SLC12A3: variants seen among roughly 807,000 people sequenced by gnomAD.
SLC12A3 encodes the protein Na-Cl cotransporter.
A neutral mutation model predicts 121.0 loss-of-function variants in SLC12A3; 104 were observed. The observed-to-expected ratio is 0.86, with a 90% CI of 0.73 to 1.01. The LOEUF is 1.01. Among genes scored for constraint, SLC12A3 ranks in the 50% least tolerant of loss-of-function variants. SLC12A3 has a pLI of 0.00. For missense variants in SLC12A3, 1,328 were observed against 1,356.3 expected (o/e 0.98, Z 0.33); for synonymous variants, 536 against 533.4 (o/e 1.00, Z -0.07).
chr16:56,905,232 G>A (rs3794654), intron 25 of SLC12A3, among the ~76,000 whole-genome samples: 50,708 of 151,038 alleles, frequency 0.34, 9,693 homozygotes, highest in African/African-American at 0.53. Context: ...CCAGCTACTC[G>A]GGAGGCTGAG....
At chr16:56,884,311 T>A (rs2055282384) in intron 14 of SLC12A3, 107 bp downstream of exon 14, 1 of 1,176,972 alleles carries the variant, frequency 8.5e-7, no homozygotes, top group East Asian at 2.4e-5. Flanking sequence ...CTCTGTGCTG[T>A]CCAGGGCCCC....
rs2055729446 is a variant in SLC12A3 at position 56,914,547 on chromosome 16, C to T, written c.*1142C>T. The stretch of plus-strand genomic sequence containing the variant: ...AGGCATGGCCACCTTTCTGTTGTGC[C>T]TTGCATTTGTCCACACACAGGGAGT... On this transcript the variant is annotated 3_prime_UTR_variant, in exon 26 of 26. Coordinates refer to ENST00000563236, the MANE Select transcript of SLC12A3 (RefSeq NM_001126108.2). 1 of 152,214 alleles carries T rather than the reference C, an allele frequency of 6.6e-6. No individual in the cohort carries two copies. Among genetic ancestry groups the T allele is most frequent in the Non-Finnish European group, 1.5e-5 (1 of 68,052 alleles). The allele number at this position is 152,214 out of a possible 1,614,324, so 9.4% of individuals were successfully genotyped here.
intron 23 of SLC12A3, 47 bp from the exon 24 acceptor site, chr16:56,902,326 A>C: frequency 1.9e-6 from 3 of 1,612,800 alleles, no homozygotes; most frequent in Non-Finnish European, 2.5e-6. Flanking sequence ...ACCCCTAGAA[A>C]TGGGGTTATC....
chr16:56,873,606 T>C (rs1169521611), intron 8 of SLC12A3, among the ~76,000 whole-genome samples: 4 of 151,734 alleles, frequency 2.6e-5, no homozygotes, highest in Non-Finnish European at 5.9e-5. Flanking sequence ...CAGGCTGGTC[T>C]CAAACTCCTG....
rs780633090 is a variant in SLC12A3, at chr16:56,884,243, C to A, written c.1825+39C>A. 7 of 1,611,340 alleles carry A rather than the reference C, an allele frequency of 4.3e-6. No homozygotes were observed. The African/African-American group carries it at 8.0e-5, about 18-fold the overall frequency. ...CTGCGGGGCCTCGGCCCTCCTCCCCCAGGGTAGCCATGCAGGCGGCCCTGC... is the reference window on the plus strand; with the variant it reads ...CTGCGGGGCCTCGGCCCTCCTCCCCAAGGGTAGCCATGCAGGCGGCCCTGC... On this transcript the variant is annotated intron_variant, in intron 14 of 25. Transcript: ENST00000563236.
Position 56,884,029 on chromosome 16 carries a change from G to T in SLC12A3, c.1670-20G>T, listed in dbSNP as rs760670430. The T allele has an allele frequency of 1.9e-6, 3 of 1,614,026 alleles. No homozygotes were observed. Among genetic ancestry groups the T allele is most frequent in the Non-Finnish European group, 2.5e-6 (3 of 1,179,946 alleles). On this transcript the variant is annotated intron_variant, in intron 13 of 25. Transcript: ENST00000563236. ...GGCTCGACTGCCAGGCATGCCCACT[G>T]ACTGGTGCCCTTGGCCCAGGGTGGA...
chr16:56,870,607 G>A lies in SLC12A3; in HGVS notation c.742-19G>A, dbSNP rs1430029339. The A allele has an allele frequency of 6.6e-7, 1 of 1,510,030 alleles. No individual in the cohort carries two copies. Among genetic ancestry groups the A allele is most frequent in the Non-Finnish European group, 9.2e-7 (1 of 1,085,270 alleles). 93.5% of individuals were successfully genotyped at this position (1,510,030 alleles called of 1,614,324 possible). A position where few individuals can be genotyped will look rare whatever the true frequency, so the allele number is the denominator to read the frequency against. The stretch of plus-strand genomic sequence containing the variant: ...AATTCAGAGGGTGGCTTGCAGCCTG[G>A]CCCATTTTCCCTCCCCAGGAGTATG... On this transcript the variant is annotated intron_variant, in intron 5 of 25. Transcript: ENST00000563236.
Position 56,872,797 on chromosome 16 carries a change from T to C in SLC12A3, c.1095+11T>C. 1 of 1,614,146 alleles carries C rather than the reference T, an allele frequency of 6.2e-7. No individual in the cohort carries two copies. The highest frequency in any genetic ancestry group is 8.5e-7 in the Non-Finnish European group (1 of 1,180,038). Reference sequence around the variant, plus strand: ...TCTGGTGACCTCAAGGTGAGCAGAATACTTGCCCCTCCTGTGTCCTGGCAC... The same window carrying C: ...TCTGGTGACCTCAAGGTGAGCAGAACACTTGCCCCTCCTGTGTCCTGGCAC... On this transcript the variant is annotated intron_variant, in intron 8 of 25. Transcript: ENST00000563236.
At chr16:56,893,971 T>TTTTATTTATTTATTTA (rs56844793) in intron 21 of SLC12A3, among the ~76,000 whole-genome samples, 12 of 116,918 alleles carry the variant, frequency 1.0e-4, no homozygotes, top group East Asian at 5.4e-4. Context: ...TTTATTTTTA[T>TTTTATTTATTTATTTA]TTTATTTATT....
At chr16:56,872,601 C>A (rs2089474674) in intron 7 of SLC12A3, 55 bp from the exon 8 acceptor site, 1 of 1,613,510 alleles carries the variant, frequency 6.2e-7, no homozygotes, top group African/African-American at 1.3e-5. Context: ...TGGGTCCCAG[C>A]AAGGGGGGTC....
intron 23 of SLC12A3, 95 bp from the exon 24 acceptor site, chr16:56,902,278 G>A: frequency 6.7e-7 from 1 of 1,498,702 alleles, no homozygotes; most frequent in Non-Finnish European, 9.3e-7. Flanking sequence ...GAAAATGGGA[G>A]CTGTGGCAAC....
rs367836842 is a variant in SLC12A3 at position 56,896,284 on chromosome 16, G to A, written c.2633+1642G>A. Among the ~76,000 whole-genome samples the A allele has an allele frequency of 1.1e-3, 167 of 152,320 alleles. No individual in the cohort carries two copies. In the South Asian group the frequency reaches 0.032, roughly 29 times the overall value. On this transcript the variant is annotated intron_variant, in intron 22 of 25. Coordinates refer to ENST00000563236, the MANE Select transcript of SLC12A3 (RefSeq NM_001126108.2). ...GAAAGTCCTGGTTTAGCCTTGGCCC[G>A]TCCTTCCCTTTGGTAACCTGTGCTT...
rs967687999 is a variant in SLC12A3, at chr16:56,872,388, T to C, written c.890T>C (p.Phe297Ser). Reference protein sequence around the residue: ...VLFFLVIMVSFANYLVGTLIP... With the variant: ...VLFFLVIMVSSANYLVGTLIP... ...TTCTTCCTTGTCATCATGGTCTCCT[T>C]TGCCAACTATTTAGTGGGGACGCTG... The change falls in exon 7 of 26, where the codon TTT becomes TCT. Residue 297 changes from phenylalanine to serine, a missense_variant. Coordinates refer to ENST00000563236, the MANE Select transcript of SLC12A3 (RefSeq NM_001126108.2). The C allele has an allele frequency of 5.6e-6, 9 of 1,614,040 alleles. No individual in the cohort carries two copies. Among genetic ancestry groups the C allele is most frequent in the Non-Finnish European group, 7.6e-6 (9 of 1,179,954 alleles).
chr16:56,893,479 G>C (rs1231335145), intron 21 of SLC12A3, among the ~76,000 whole-genome samples: 1 of 152,194 alleles, frequency 6.6e-6, no homozygotes, highest in African/African-American at 2.4e-5. Flanking sequence ...CGCTCCAATG[G>C]AACGAGTCCT....
intron 25 of SLC12A3, chr16:56,906,794 C>A: frequency 1.4e-6 from 1 of 737,812 alleles, no homozygotes; most frequent in South Asian, 1.5e-5. Context: ...AAAGTGAACC[C>A]AAACATAGAC....
At chr16:56,894,683 A>G in intron 22 of SLC12A3, 41 bp downstream of exon 22, 1 of 1,477,980 alleles carries the variant, frequency 6.8e-7, no homozygotes, top group South Asian at 1.1e-5. Flanking sequence ...TGCAGGGACC[A>G]GTGTCATCTT....
In SLC12A3 at chr16:56,869,759, T is replaced by A. The variant is rs1567426711; in HGVS notation, c.536T>A (p.Val179Asp). The change falls in exon 4 of 26, where the codon GTC becomes GAC. Residue 179 changes from valine to aspartate, a missense_variant. By Grantham distance (152) the Val-to-Asp change is radical. Coordinates refer to ENST00000563236, the MANE Select transcript of SLC12A3 (RefSeq NM_001126108.2). ...VLTWIIILLS[V>D]TVTSITGLSI... ...ACCTGGATCATCATCCTGCTGTCGG[T>A]CACGGTGACCTCCATCACAGGCCTC... 6.2e-7 allele frequency: 1 copy of A among 1,614,200 alleles called. No homozygotes were observed. Among genetic ancestry groups the A allele is most frequent in the East Asian group, 2.2e-5 (1 of 44,878 alleles).
At position 56,913,589 on chromosome 16, in the gene SLC12A3, T is replaced by A; in HGVS notation, c.*184T>A. ...CTGGACTCCACTTCCATGGGACACA[T>A]TCCCTGGGTCTTGTGTTTATAGGCT... On this transcript the variant is annotated 3_prime_UTR_variant, in exon 26 of 26. Coordinates refer to ENST00000563236, the MANE Select transcript of SLC12A3 (RefSeq NM_001126108.2). The A allele has an allele frequency of 1.5e-6, 1 of 680,178 alleles. No individual in the cohort carries two copies. The highest frequency in any genetic ancestry group is 2.7e-6 in the Non-Finnish European group (1 of 375,658). The allele number at this position is 680,178 out of a possible 1,614,324, so 42.1% of individuals were successfully genotyped here. A position where few individuals can be genotyped will look rare whatever the true frequency, so the allele number is the denominator to read the frequency against.
intron 24 of SLC12A3, 198 bp from the exon 25 acceptor site, chr16:56,904,197 G>T: frequency 1.7e-6 from 1 of 577,330 alleles, no homozygotes; most frequent in Non-Finnish European, 3.2e-6. Context: ...CTTCTTGGAG[G>T]AGGTGAGCTT....
Sources: gnomAD v4.1 joint callset for allele counts (sites outside exome capture counted in the v4.1 genomes callset) on GRCh38, gnomAD v4.1.1 for gene constraint, MANE v1.5 for transcripts, NCBI Gene and HGNC (gene_info 2026-07-23, HGNC 2026-07-21) for gene names.